Variants in ADAMTS20 observed in about 807,000 individuals in gnomAD.
The protein encoded by ADAMTS20 is A disintegrin and metalloproteinase with thrombospondin motifs 20.
A neutral mutation model predicts 260.1 loss-of-function variants in ADAMTS20; 225 were observed. The ratio of observed to expected loss-of-function variants is 0.87; its 90% CI spans 0.78 to 0.97. The LOEUF is 0.97. Among genes scored for constraint, ADAMTS20 ranks in the 50% least tolerant of loss-of-function variants. The probability of loss-of-function intolerance (pLI) is 0.00; values close to 1 mark genes in which losing one functional copy is unlikely to be tolerated. For missense variants in ADAMTS20, 2,400 were observed against 2,337.7 expected (o/e 1.03, Z -0.55); for synonymous variants, 802 against 769.5 (o/e 1.04, Z -0.70).
intron 37 of ADAMTS20, among the ~76,000 whole-genome samples, chr12:43,357,918 T>C (rs1248911577): frequency 6.6e-6 from 1 of 152,200 alleles, no homozygotes; most frequent in African/African-American, 2.4e-5. Context: ...TGTTCACAAA[T>C]ATTTGAATAA....
intron 28 of ADAMTS20, among the ~76,000 whole-genome samples, chr12:43,411,263 T>A (rs1352294588): frequency 6.6e-6 from 1 of 152,216 alleles, no homozygotes; most frequent in Non-Finnish European, 1.5e-5. Flanking sequence ...TCTTTTACTA[T>A]GACATCAGGT....
At chr12:43,452,087 T>C (rs1213885091) in intron 14 of ADAMTS20, among the ~76,000 whole-genome samples, 187 bp downstream of exon 14, 1 of 152,146 alleles carries the variant, frequency 6.6e-6, no homozygotes, top group Non-Finnish European at 1.5e-5. Flanking sequence ...GCATTCTTGA[T>C]GACAGAGAAT....
Position 43,376,653 on chromosome 12 carries a change from A to C in ADAMTS20, c.4996T>G (p.Cys1666Gly), listed in dbSNP as rs972814788. The C allele has an allele frequency of 6.2e-7, 1 of 1,603,568 alleles. No homozygotes were observed. Among genetic ancestry groups the C allele is most frequent in the Non-Finnish European group, 8.5e-7 (1 of 1,177,172 alleles). ...ATWKVGKWSK[C>G]SVTCGIGIMK... Reference sequence around the variant, plus strand: ...ATCCCAATTCCACAAGTCACTGAGCACTGTGAAAAGAGTAAAATTTGAAGG... The same window carrying C: ...ATCCCAATTCCACAAGTCACTGAGCCCTGTGAAAAGAGTAAAATTTGAAGG... The change falls in exon 33 of 39, where the codon TGC becomes GGC. Residue 1666 changes from cysteine to glycine, a missense_variant and splice_region_variant. Coordinates refer to ENST00000389420, the MANE Select transcript of ADAMTS20 (RefSeq NM_025003.5).
chr12:43,446,579 C>G lies in ADAMTS20; in HGVS notation c.2197+16G>C. 3 of 1,598,072 alleles carry G rather than the reference C, an allele frequency of 1.9e-6. No individual in the cohort carries two copies. Among genetic ancestry groups the G allele is most frequent in the Non-Finnish European group, 2.6e-6 (3 of 1,166,666 alleles). ...ACTAAATAAAAGCGAAATCTAGAAA[C>G]AAATACACAACTTACCATAATGAGA... On this transcript the variant is annotated intron_variant, in intron 15 of 38. Coordinates refer to ENST00000389420, the MANE Select transcript of ADAMTS20 (RefSeq NM_025003.5).
chr12:43,439,484 A>T (rs1941618004), intron 18 of ADAMTS20, 138 bp downstream of exon 18: 3 of 1,001,256 alleles, frequency 3.0e-6, no homozygotes. Context: ...GGAAAAAAAG[A>T]TTGAAAACTT....
intron 2 of ADAMTS20, among the ~76,000 whole-genome samples, chr12:43,543,768 C>A (rs1323377070): frequency 6.6e-6 from 1 of 151,936 alleles, no homozygotes; most frequent in Non-Finnish European, 1.5e-5. Context: ...AAATCAACGC[C>A]CCTCATTTTC....
At chr12:43,524,803 ACAAAAATGAAG>A (rs1823448499) in intron 3 of ADAMTS20, among the ~76,000 whole-genome samples, 4 of 152,210 alleles carry the variant, frequency 2.6e-5, no homozygotes. Flanking sequence ...ATCTAATCAG[ACAAAAATGAAG>A]CAAAAAATAA....
At chr12:43,393,402 T>C (rs1394136180) in intron 29 of ADAMTS20, among the ~76,000 whole-genome samples, 1 of 151,968 alleles carries the variant, frequency 6.6e-6, no homozygotes, top group Non-Finnish European at 1.5e-5. Flanking sequence ...TTCATAAATA[T>C]CCTATTTATG....
At chr12:43,514,623 T>G (rs1193729694) in intron 3 of ADAMTS20, among the ~76,000 whole-genome samples, 1 of 126,636 alleles carries the variant, frequency 7.9e-6, no homozygotes, top group African/African-American at 3.0e-5. Flanking sequence ...TCAAATGCAA[T>G]TTGCCAGAAA....
chr12:43,474,690 C>G (rs1942321930), intron 7 of ADAMTS20, among the ~76,000 whole-genome samples: 1 of 87,290 alleles, frequency 1.1e-5, no homozygotes, highest in African/African-American at 4.4e-5. Context: ...TCAATATACG[C>G]AAATCAATAA....
chr12:43,483,803 T>A (rs910812276), intron 7 of ADAMTS20, among the ~76,000 whole-genome samples: 2 of 152,168 alleles, frequency 1.3e-5, no homozygotes, highest in Admixed American at 1.3e-4. Context: ...GGGTATTGCA[T>A]TTACTCACCT....
At chr12:43,488,721 T>C (rs1184411697) in intron 7 of ADAMTS20, among the ~76,000 whole-genome samples, 1 of 152,192 alleles carries the variant, frequency 6.6e-6, no homozygotes, top group African/African-American at 2.4e-5. Flanking sequence ...ATGTGCATAG[T>C]GTATTGTAAG....
chr12:43,458,072 C>A (rs1182241537), intron 11 of ADAMTS20, among the ~76,000 whole-genome samples: 3 of 152,160 alleles, frequency 2.0e-5, no homozygotes, highest in Admixed American at 6.5e-5. Context: ...GGGGGCACAG[C>A]TTGTTTTTAT....
intron 11 of ADAMTS20, among the ~76,000 whole-genome samples, chr12:43,458,538 T>C (rs959032507): frequency 4.6e-5 from 7 of 152,196 alleles, no homozygotes; most frequent in African/African-American, 1.7e-4. Context: ...GGAAACTCAT[T>C]TACCCCAGAT....
At chr12:43,450,020 T>TA (rs1241358459) in intron 14 of ADAMTS20, among the ~76,000 whole-genome samples, 1 of 152,182 alleles carries the variant, frequency 6.6e-6, no homozygotes, top group African/African-American at 2.4e-5. Context: ...TATGAGTATG[T>TA]AAGTAACACA....
chr12:43,469,336 C>A (rs1359470663), intron 7 of ADAMTS20, among the ~76,000 whole-genome samples: 1 of 151,962 alleles, frequency 6.6e-6, no homozygotes, highest in Non-Finnish European at 1.5e-5. Flanking sequence ...ATATTTAGTT[C>A]TATGTAAAGA....
intron 25 of ADAMTS20, 39 bp downstream of exon 25, chr12:43,428,596 A>C: frequency 6.8e-7 from 1 of 1,473,694 alleles, no homozygotes; most frequent in Non-Finnish European, 9.0e-7. Context: ...AAATATATTT[A>C]AATTTTTCAT....
At chr12:43,521,100 T>C (rs2091735194) in intron 3 of ADAMTS20, among the ~76,000 whole-genome samples, 1 of 152,196 alleles carries the variant, frequency 6.6e-6, no homozygotes, top group African/African-American at 2.4e-5. Context: ...CCTTTAGCTG[T>C]AAGGTTAAAA....
intron 37 of ADAMTS20, among the ~76,000 whole-genome samples, chr12:43,358,261 A>G (rs566266329): frequency 6.6e-6 from 1 of 152,348 alleles, no homozygotes; most frequent in African/African-American, 2.4e-5. Context: ...TTAGGTGGTC[A>G]TTAACACAAT....
Sources: allele counts gnomAD v4.1 joint callset (sites outside exome capture counted in the v4.1 genomes callset), GRCh38; gene constraint gnomAD v4.1.1; transcripts MANE v1.5; gene names NCBI Gene and HGNC (gene_info 2026-07-23, HGNC 2026-07-21).